The following USF3 variants were observed in gnomAD, a reference collection of about 807,000 sequenced individuals.
The protein encoded by USF3 is upstream transcription factor family member 3.
Under a neutral mutation model 157.5 loss-of-function variants are expected in USF3, and 29 were observed. That is an observed-to-expected ratio of 0.18 (90% confidence interval 0.14 to 0.25). The LOEUF is 0.25. USF3 is among the 10% of genes least tolerant of loss of function. USF3 has a pLI of 1.00. For missense variants in USF3, 2,381 were observed against 2,667.6 expected, an observed-to-expected ratio of 0.89 and a Z score of 2.37; for synonymous variants, 893 against 941.4, an observed-to-expected ratio of 0.95 and a Z score of 0.94.
chr3:113,692,100 C>G (rs767285066), intron 1 of USF3, among the ~76,000 whole-genome samples: 1 of 152,104 alleles, frequency 6.6e-6, no homozygotes. Context: ...GAATAGGGCT[C>G]GCACTCCTAT....
chr3:113,688,850 T>C (rs1038182741), intron 1 of USF3, among the ~76,000 whole-genome samples: 56 of 151,926 alleles, frequency 3.7e-4, no homozygotes, highest in African/African-American at 1.3e-3. Context: ...ACCATCCTGG[T>C]TAACATGGTG....
intron 5 of USF3, among the ~76,000 whole-genome samples, chr3:113,669,060 T>C (rs1358139774): frequency 6.6e-6 from 1 of 152,058 alleles, no homozygotes; most frequent in African/African-American, 2.4e-5. Flanking sequence ...TATGAGGTAA[T>C]TATTTACTCC....
intron 5 of USF3, among the ~76,000 whole-genome samples, chr3:113,666,234 A>T (rs2107933070): frequency 6.8e-6 from 1 of 147,542 alleles, no homozygotes; most frequent in Non-Finnish European, 1.5e-5. Flanking sequence ...TCCATATAGC[A>T]TCTAGACATC....
chr3:113,671,240 C>A (rs1707147322), intron 4 of USF3, among the ~76,000 whole-genome samples: 1 of 152,124 alleles, frequency 6.6e-6, no homozygotes, highest in South Asian at 2.1e-4. Context: ...GGCAAATGGG[C>A]AAATGAGGCC....
chr3:113,664,559 T>C (rs1947535102), intron 5 of USF3, 150 bp from the exon 6 acceptor site: 5 of 523,860 alleles, frequency 9.5e-6, no homozygotes, highest in Non-Finnish European at 1.7e-5. Context: ...TTCTACTGTA[T>C]ATTTTTCATT....
chr3:113,692,165 C>A (rs1436453878), intron 1 of USF3, among the ~76,000 whole-genome samples: 1 of 152,140 alleles, frequency 6.6e-6, no homozygotes, highest in African/African-American at 2.4e-5. Flanking sequence ...TCCTGCTGTG[C>A]GGCCTGATTC....
At position 113,659,546 on chromosome 3, in the gene USF3, G is replaced by A; in HGVS notation, c.2136C>T (p.Ala712=). 2.5e-6 allele frequency: 4 copies of A among 1,614,154 alleles called. No homozygotes were observed. Among genetic ancestry groups the A allele is most frequent in the Non-Finnish European group, 3.4e-6 (4 of 1,180,010 alleles). Residue 712 remains alanine (A), a synonymous_variant, in exon 7 of 7, where the codon GCC becomes GCT. Coordinates refer to ENST00000316407, the MANE Select transcript of USF3 (RefSeq NM_001009899.4). ...NVALNTFGAL[A]SLNQSISQMA... is the part of the protein sequence containing the mutation. ...TCTGTGATATGCTTTGATTGAGGCT[G>A]GCCAAAGCACCAAATGTATTCAGGG...
chr3:113,673,501 A>T (rs1231492527), intron 3 of USF3, 125 bp from the exon 4 acceptor site: 4 of 621,116 alleles, frequency 6.4e-6, no homozygotes, highest in Non-Finnish European at 2.9e-6. Flanking sequence ...AATAAGAAAC[A>T]ATCTGAAGAA....
In USF3 at chr3:113,651,695, T is replaced by C. The variant is rs887053387; in HGVS notation, c.*3249A>G. The C allele has an allele frequency of 6.6e-6, 1 of 152,220 alleles. No homozygotes were observed. Among genetic ancestry groups the C allele is most frequent in the African/African-American group, 2.4e-5 (1 of 41,464 alleles). 9.4% of individuals were successfully genotyped at this position (152,220 alleles called of 1,614,324 possible). On this transcript the variant is annotated 3_prime_UTR_variant, in exon 7 of 7. Coordinates refer to ENST00000316407, the MANE Select transcript of USF3 (RefSeq NM_001009899.4). ...ATGCTTTTAAATCAAATAAGGGTAC[T>C]ATGGTCTGAACACTTTCAGAATTAA... is the stretch of plus-strand genomic sequence containing the variant.
Position 113,654,719 on chromosome 3 carries a change from G to A in USF3, c.*225C>T, listed in dbSNP as rs1240759029. 5 of 506,284 alleles carry A rather than the reference G, an allele frequency of 9.9e-6. No individual in the cohort carries two copies. The allele number at this position is 506,284 out of a possible 1,614,324, so 31.4% of individuals were successfully genotyped here. ...TCAACTTGGAAATGTAAATCTACTT[G>A]GAAAATAAAAAAGTACACCATGCAG... On this transcript the variant is annotated 3_prime_UTR_variant, in exon 7 of 7. Transcript: ENST00000316407.
chr3:113,693,118 C>T (rs1289247292), intron 1 of USF3, among the ~76,000 whole-genome samples: 1 of 152,120 alleles, frequency 6.6e-6, no homozygotes, highest in Non-Finnish European at 1.5e-5. Flanking sequence ...ATGTATATGG[C>T]TATCTTTTTA....
rs10606566 is a variant in USF3, at chr3:113,657,263, TTGCTGCTGCTGC to T, written c.4407_4418del (p.Gln1475_Gln1478del). ...ACTGCCCTGCTTGTTGTTGTTGCTG[TTGCTGCTGCTGC>T]TGCTGCTGCTGCTGCTGCTGCTGCT... On this transcript the variant is annotated inframe_deletion, in exon 7 of 7. Transcript: ENST00000316407. 2.7e-3 allele frequency: 4,256 copies of T among 1,573,672 alleles called. 8 individuals are homozygous for T. Among genetic ancestry groups the T allele is most frequent in the Admixed American group, 4.3e-3 (252 of 58,806 alleles).
In USF3 at chr3:113,657,212, T is replaced by C; in HGVS notation, c.4470A>G (p.Gln1490=). The change falls in exon 7 of 7, where the codon CAA becomes CAG. Residue 1490 remains glutamine (Q), a synonymous_variant. Coordinates refer to ENST00000316407, the MANE Select transcript of USF3 (RefSeq NM_001009899.4). Reference sequence around the variant, plus strand: ...CTGCATGAGGTACATGATGCTGCATTTGATATAAGTGATGCCTCTCTCTTA... The same window carrying C: ...CTGCATGAGGTACATGATGCTGCATCTGATATAAGTGATGCCTCTCTCTTA... ...GQLRERHHLY[Q]MQHHVPHAES... The C allele has an allele frequency of 6.2e-7, 1 of 1,614,118 alleles. No individual in the cohort carries two copies. The highest frequency in any genetic ancestry group is 1.1e-5 in the South Asian group (1 of 91,078).
At chr3:113,685,463 G>A (rs937830975) in intron 1 of USF3, among the ~76,000 whole-genome samples, 1 of 152,124 alleles carries the variant, frequency 6.6e-6, no homozygotes, top group African/African-American at 2.4e-5. Context: ...TGGCCCAGTG[G>A]GGGGTCTAGA....
intron 6 of USF3, 99 bp from the exon 7 acceptor site, chr3:113,661,524 T>C (rs1264112182): frequency 4.5e-6 from 3 of 659,410 alleles, no homozygotes; most frequent in South Asian, 5.0e-5. Context: ...ATTCTAATTC[T>C]AGCATTCTAA....
At position 113,658,774 on chromosome 3, in the gene USF3, T is replaced by C. The variant is rs367832332; in HGVS notation, c.2908A>G (p.Thr970Ala). The change falls in exon 7 of 7, where the codon ACT becomes GCT. Residue 970 changes from threonine (T) to alanine (A), a missense_variant. Physicochemically the swap from Thr to Ala is moderately conservative, Grantham distance 58 (BLOSUM62 0). This residue lies in a region of USF3 where 1,435 missense variants were observed against 1,550.9 expected (regional missense o/e 0.93). Coordinates refer to ENST00000316407, the MANE Select transcript of USF3 (RefSeq NM_001009899.4). ...GLSSTTSTTS[T>A]DCVSEVEIIA... ...ATTTCTACCTCAGAAACACAGTCAGTACTTGTAGTGCTTGTTGTAGATGAC... is the reference window on the plus strand; with the variant it reads ...ATTTCTACCTCAGAAACACAGTCAGCACTTGTAGTGCTTGTTGTAGATGAC... 5.6e-6 allele frequency: 9 copies of C among 1,614,074 alleles called. No individual in the cohort carries two copies. The African/African-American group carries it at 1.2e-4, about 22-fold the overall frequency.
intron 5 of USF3, among the ~76,000 whole-genome samples, chr3:113,668,844 A>G (rs1445299207): frequency 6.6e-6 from 1 of 152,174 alleles, no homozygotes; most frequent in East Asian, 1.9e-4. Flanking sequence ...AAGAGCTGCA[A>G]TTAAAAACAG....
At chr3:113,680,737 G>A (rs1707399253) in intron 1 of USF3, among the ~76,000 whole-genome samples, 3 of 149,892 alleles carry the variant, frequency 2.0e-5, no homozygotes, top group Non-Finnish European at 4.4e-5. Flanking sequence ...GGAGATGGAG[G>A]TTGCAGTGAG....
At chr3:113,681,640 G>C (rs1209586524) in intron 1 of USF3, among the ~76,000 whole-genome samples, 1 of 141,534 alleles carries the variant, frequency 7.1e-6, no homozygotes. Context: ...GACCTCAGGT[G>C]ATCCGCCTGC....
Sources: allele counts gnomAD v4.1 joint callset (sites outside exome capture counted in the v4.1 genomes callset), GRCh38; gene constraint gnomAD v4.1.1; regional missense constraint gnomAD v4.1.1; transcripts MANE v1.5; gene names NCBI Gene and HGNC (gene_info 2026-07-23, HGNC 2026-07-21).